The following SDC4 variants were observed in gnomAD, a reference collection of about 807,000 sequenced individuals.
SDC4 encodes the protein syndecan 4, also known as syndecan-4.
SDC4 carries 17 observed loss-of-function variants against 20.5 expected under a neutral mutation model. The ratio of observed to expected loss-of-function variants is 0.83; its 90% confidence interval spans 0.57 to 1.25. SDC4 has a LOEUF of 1.25. SDC4 is among the 50% of genes most tolerant of loss of function. SDC4 has a pLI of 0.00. For synonymous variants in SDC4, 107 were observed against 105.3 expected, an observed-to-expected ratio of 1.02 and a Z score of -0.10; for missense variants, 241 against 252.3, an observed-to-expected ratio of 0.96 and a Z score of 0.30.
At chr20:45,348,150 AG>A (rs5841586) in intron 1 of SDC4, among the ~76,000 whole-genome samples, 174 bp downstream of exon 1, 152,239 of 152,242 alleles carry the variant, frequency 1, 76,118 homozygotes, top group Middle Eastern at 1. Context: ...GCCATCCCGG[AG>A]GCTGGCCCGT....
At chr20:45,343,194 C>A (rs1568908876) in intron 1 of SDC4, among the ~76,000 whole-genome samples, 1 of 152,194 alleles carries the variant, frequency 6.6e-6, no homozygotes, top group Non-Finnish European at 1.5e-5. Flanking sequence ...CCCAAGAAGT[C>A]AGGCTTATTC....
chr20:45,344,490 G>A (rs1449144795), intron 1 of SDC4, among the ~76,000 whole-genome samples: 2 of 152,208 alleles, frequency 1.3e-5, no homozygotes, highest in Non-Finnish European at 2.9e-5. Flanking sequence ...GCATTCATTT[G>A]GAAATCACAC....
At chr20:45,347,255 A>C (rs963991308) in intron 1 of SDC4, among the ~76,000 whole-genome samples, 1 of 152,172 alleles carries the variant, frequency 6.6e-6, no homozygotes, top group Non-Finnish European at 1.5e-5. Context: ...CTTTCAAAGA[A>C]ATTAACATTA....
In SDC4 at chr20:45,339,203, G is replaced by A. The variant is rs184310532; in HGVS notation, c.61-3283C>T. Among the ~76,000 whole-genome samples the A allele has an allele frequency of 4.1e-3, 618 of 152,212 alleles. 6 individuals are homozygous for A. The highest frequency in any genetic ancestry group is 4.7e-3 in the Non-Finnish European group (322 of 68,006). On this transcript the variant is annotated intron_variant, in intron 1 of 4. Coordinates refer to ENST00000372733, the MANE Select transcript of SDC4 (RefSeq NM_002999.4). Reference sequence around the variant, plus strand: ...GGCACCAACGGTCCTCCTCTCCTCCGCCCTCTTTTCAGATAAAGCCCATTG... The same window carrying A: ...GGCACCAACGGTCCTCCTCTCCTCCACCCTCTTTTCAGATAAAGCCCATTG...
intron 4 of SDC4, 152 bp from the exon 5 acceptor site, chr20:45,327,567 T>C (rs376760684): frequency 2.3e-6 from 2 of 868,284 alleles, no homozygotes; most frequent in East Asian, 2.7e-5. Flanking sequence ...CTTATTTAAG[T>C]TGACCTCATG....
intron 4 of SDC4, among the ~76,000 whole-genome samples, chr20:45,329,212 C>G (rs1600728343): frequency 6.6e-6 from 1 of 152,174 alleles, no homozygotes; most frequent in South Asian, 2.1e-4. Context: ...ACATGAGGCT[C>G]TTAGGCTTGT....
At position 45,325,808 on chromosome 20, in the gene SDC4, A is replaced by T. The variant is rs989916888; in HGVS notation, c.*1456T>A. 2 of 152,432 alleles carry T rather than the reference A, an allele frequency of 1.3e-5. No individual in the cohort carries two copies. The highest frequency in any genetic ancestry group is 6.5e-5 in the Admixed American group (1 of 15,294). 9.4% of individuals were successfully genotyped at this position (152,432 alleles called of 1,614,324 possible). A position where few individuals can be genotyped will look rare whatever the true frequency, so the allele number is the denominator to read the frequency against. ...GAAACGTGGTTAGTGCAACTGAGGA[A>T]GGAATTTTTAATCTTATGTGATTTT... On this transcript the variant is annotated 3_prime_UTR_variant, in exon 5 of 5. Transcript: ENST00000372733.
At chr20:45,327,885 T>C (rs1332763159) in intron 4 of SDC4, among the ~76,000 whole-genome samples, 2 of 152,222 alleles carry the variant, frequency 1.3e-5, no homozygotes, top group African/African-American at 4.8e-5. Context: ...CTTGCCCATC[T>C]CGGCCTCCCA....
intron 1 of SDC4, among the ~76,000 whole-genome samples, chr20:45,346,470 C>T (rs1988033600): frequency 6.6e-6 from 1 of 152,320 alleles, no homozygotes; most frequent in African/African-American, 2.4e-5. Context: ...CTTCAGAATG[C>T]CCCCAGGACA....
Position 45,327,216 on chromosome 20 carries a change from C to G in SDC4, c.*48G>C. Reference sequence around the variant, plus strand: ...CCTAATGTCCACCCTTCAAAATCCCCTGGCTTCCCTCCCCGCTAAAGTCCA... The same window carrying G: ...CCTAATGTCCACCCTTCAAAATCCCGTGGCTTCCCTCCCCGCTAAAGTCCA... On this transcript the variant is annotated 3_prime_UTR_variant, in exon 5 of 5. Coordinates refer to ENST00000372733, the MANE Select transcript of SDC4 (RefSeq NM_002999.4). 1 of 1,609,688 alleles carries G rather than the reference C, an allele frequency of 6.2e-7. No homozygotes were observed. The highest frequency in any genetic ancestry group is 8.5e-7 in the Non-Finnish European group (1 of 1,176,918).
chr20:45,345,340 G>A (rs1337182157), intron 1 of SDC4: 1 of 152,180 alleles, frequency 6.6e-6, no homozygotes, highest in African/African-American at 2.4e-5. Flanking sequence ...TAATCAAATT[G>A]AGAGATGGAA....
intron 2 of SDC4, among the ~76,000 whole-genome samples, chr20:45,335,147 C>T (rs1187059194): frequency 6.6e-6 from 1 of 151,506 alleles, no homozygotes; most frequent in Non-Finnish European, 1.5e-5. Flanking sequence ...CTCATGCCCC[C>T]TCCCACCCCA....
At chr20:45,328,003 T>TC (rs918814307) in intron 4 of SDC4, among the ~76,000 whole-genome samples, 4 of 152,100 alleles carry the variant, frequency 2.6e-5, no homozygotes, top group African/African-American at 9.7e-5. Flanking sequence ...CCACGCGGAC[T>TC]CCCCTGCAAC....
intron 1 of SDC4, among the ~76,000 whole-genome samples, chr20:45,347,304 G>T (rs143979039): frequency 2.0e-5 from 3 of 152,152 alleles, no homozygotes; most frequent in Non-Finnish European, 4.4e-5. Flanking sequence ...CTGAAAACTG[G>T]GGCTAAAGGG....
At chr20:45,332,159 ACTT>A (rs1987787191) in intron 3 of SDC4, among the ~76,000 whole-genome samples, 1 of 101,112 alleles carries the variant, frequency 9.9e-6, no homozygotes, top group African/African-American at 3.9e-5. Flanking sequence ...ATATATATAT[ACTT>A]TTTTTTTTTT....
chr20:45,340,066 T>A (rs1411410683), intron 1 of SDC4, among the ~76,000 whole-genome samples: 1 of 152,204 alleles, frequency 6.6e-6, no homozygotes, highest in African/African-American at 2.4e-5. Context: ...TTCCAGGGTG[T>A]TGGCTGCCCC....
At chr20:45,342,133 G>A (rs1987961115) in intron 1 of SDC4, among the ~76,000 whole-genome samples, 1 of 152,160 alleles carries the variant, frequency 6.6e-6, no homozygotes, top group South Asian at 2.1e-4. Flanking sequence ...CGAGGGCTAG[G>A]GAGGCTCTCG....
chr20:45,336,505 T>A (rs922407274), intron 1 of SDC4, among the ~76,000 whole-genome samples: 1 of 152,214 alleles, frequency 6.6e-6, no homozygotes, highest in African/African-American at 2.4e-5. Context: ...CTGGGCCCTG[T>A]TTTAATAACT....
At chr20:45,344,899 G>A (rs1988008986) in intron 1 of SDC4, among the ~76,000 whole-genome samples, 1 of 152,098 alleles carries the variant, frequency 6.6e-6, no homozygotes, top group Non-Finnish European at 1.5e-5. Context: ...AGGACCTAAG[G>A]TATCTACCTT....
Sources: gnomAD v4.1 joint callset for allele counts (sites outside exome capture counted in the v4.1 genomes callset) on GRCh38, gnomAD v4.1.1 for gene constraint, MANE v1.5 for transcripts, NCBI Gene and HGNC (gene_info 2026-07-23, HGNC 2026-07-21) for gene names.